SQOR: variants seen among roughly 807,000 people sequenced by gnomAD.
SQOR encodes the protein sulfide:quinone oxidoreductase, mitochondrial.
Under a neutral mutation model 48.6 loss-of-function variants are expected in SQOR, and 39 were observed. That is an observed-to-expected ratio of 0.80 (90% CI 0.62 to 1.05). SQOR has a LOEUF of 1.05. SQOR is among the 50% of genes least tolerant of loss of function. The probability of loss-of-function intolerance (pLI) is 0.00; values close to 1 mark genes in which losing one functional copy is unlikely to be tolerated. For synonymous variants in SQOR, 220 were observed against 206.2 expected, an observed-to-expected ratio of 1.07 and a Z score of -0.57; for missense variants, 561 against 559.9, an observed-to-expected ratio of 1.00 and a Z score of -0.02.
intron 1 of SQOR, chr15:45,645,929 A>C (rs1895196971): frequency 6.6e-6 from 1 of 152,218 alleles, no homozygotes; most frequent in South Asian, 2.1e-4. Context: ...GTAACTAGCA[A>C]GCATTGCTAT....
At chr15:45,657,705 C>CTTTCTCTAATCCCCT (rs1448065500) in intron 1 of SQOR, among the ~76,000 whole-genome samples, 1 of 152,222 alleles carries the variant, frequency 6.6e-6, no homozygotes, top group Non-Finnish European at 1.5e-5. Flanking sequence ...GCCCTGCCAG[C>CTTTCTCTAATCCCCT]TTTCTCTAAT....
chr15:45,640,923 C>A lies in SQOR; in HGVS notation c.-18+5815C>A, dbSNP rs1895094810. ...ACCTGAAAATTACCTGACCAGAGGC[C>A]AACTATGAGTGGTGGGGTTGAAGGG... On this transcript the variant is annotated intron_variant, in intron 1 of 9. Coordinates refer to ENST00000260324, the MANE Select transcript of SQOR (RefSeq NM_021199.4). 2.0e-5 allele frequency among the ~76,000 whole-genome samples: 3 copies of A among 152,088 alleles called. No individual in the cohort carries two copies. The South Asian group carries it at 6.2e-4, about 32-fold the overall frequency.
upstream of SQOR, among the ~76,000 whole-genome samples, chr15:45,632,741 T>C (rs2140933030): frequency 6.6e-6 from 1 of 152,194 alleles, no homozygotes; most frequent in African/African-American, 2.4e-5. Flanking sequence ...GGAGAGAGTC[T>C]ATTGGCATTT....
chr15:45,656,478 G>T (rs956550706), intron 1 of SQOR, among the ~76,000 whole-genome samples: 5 of 150,582 alleles, frequency 3.3e-5, no homozygotes, highest in Admixed American at 6.6e-5. Flanking sequence ...TTTAAATAGA[G>T]TTGGGGTTTC....
At chr15:45,638,225 TG>T (rs561350155) in intron 1 of SQOR, among the ~76,000 whole-genome samples, 2 of 152,334 alleles carry the variant, frequency 1.3e-5, no homozygotes, top group South Asian at 4.1e-4. Context: ...GGGCAAATAC[TG>T]GTGTTATGGA....
intron 7 of SQOR, 75 bp downstream of exon 7, chr15:45,682,736 G>A: frequency 6.5e-7 from 1 of 1,536,558 alleles, no homozygotes; most frequent in Middle Eastern, 2.2e-4. Context: ...AAAAACACAA[G>A]CTTGGCATCG....
chr15:45,664,934 A>G (rs1018650001), intron 3 of SQOR, among the ~76,000 whole-genome samples: 3 of 152,122 alleles, frequency 2.0e-5, no homozygotes, highest in African/African-American at 7.2e-5. Context: ...AATTACACTC[A>G]AGATTGTTCT....
At chr15:45,682,981 C>T (rs925392031) in intron 7 of SQOR, among the ~76,000 whole-genome samples, 2 of 149,384 alleles carry the variant, frequency 1.3e-5, no homozygotes, top group African/African-American at 5.0e-5. Context: ...GAGCCAAGAT[C>T]GCACCACTCC....
chr15:45,666,113 C>T (rs1490241003), intron 3 of SQOR, among the ~76,000 whole-genome samples: 5 of 152,328 alleles, frequency 3.3e-5, no homozygotes, highest in African/African-American at 4.8e-5. Flanking sequence ...CCTATTTCCT[C>T]AAATGCCTCA....
chr15:45,672,584 C>G (rs1023045169), intron 4 of SQOR, among the ~76,000 whole-genome samples: 9 of 152,114 alleles, frequency 5.9e-5, no homozygotes, highest in Admixed American at 5.2e-4. Flanking sequence ...TGGGGAGGCT[C>G]TGAAGGACCA....
At chr15:45,669,167 AT>A (rs1001025572) in intron 3 of SQOR, among the ~76,000 whole-genome samples, 28 of 142,118 alleles carry the variant, frequency 2.0e-4, no homozygotes, top group African/African-American at 3.3e-4. Flanking sequence ...TATATTTTTT[AT>A]TTTTTTTTAA....
chr15:45,658,855 T>C lies in SQOR; in HGVS notation c.-17-52T>C, dbSNP rs1374135834. On this transcript the variant is annotated intron_variant, in intron 1 of 9. Transcript: ENST00000260324. ...TCCTCCTGGAAAGAAAACGCTTCAG[T>C]CCCACGATGGTTTCTACCTTGGCAC... 5.9e-6 allele frequency: 8 copies of C among 1,354,924 alleles called. No individual in the cohort carries two copies. In the Admixed American group the frequency reaches 2.1e-4, roughly 36 times the overall value. 83.9% of individuals were successfully genotyped at this position (1,354,924 alleles called of 1,614,324 possible). A position where few individuals can be genotyped will look rare whatever the true frequency, so the allele number is the denominator to read the frequency against.
At position 45,651,883 on chromosome 15, in the gene SQOR, T is replaced by A. The variant is rs146462118; in HGVS notation, c.-17-7024T>A. On this transcript the variant is annotated intron_variant, in intron 1 of 9. Coordinates refer to ENST00000260324, the MANE Select transcript of SQOR (RefSeq NM_021199.4). Reference sequence around the variant, plus strand: ...TTCTCCTTCTCCTCCTTCTCCTTCTTCTTCTTCTTCTTTCTTTTTTTTAAA... The same window carrying A: ...TTCTCCTTCTCCTCCTTCTCCTTCTACTTCTTCTTCTTTCTTTTTTTTAAA... Among the ~76,000 whole-genome samples the A allele has an allele frequency of 6.7e-3, 1,022 of 152,196 alleles. 3 individuals are homozygous for A. The highest frequency in any genetic ancestry group is 0.024 in the African/African-American group (983 of 41,546).
At chr15:45,656,456 ATTTTTT>A (rs34189540) in intron 1 of SQOR, among the ~76,000 whole-genome samples, 1 of 146,720 alleles carries the variant, frequency 6.8e-6, no homozygotes, top group Admixed American at 6.8e-5. Flanking sequence ...TGCCTGGCTA[ATTTTTT>A]TTTTTTTTAA....
chr15:45,666,093 A>G (rs918346194), intron 3 of SQOR, among the ~76,000 whole-genome samples: 2 of 152,174 alleles, frequency 1.3e-5, no homozygotes, highest in Non-Finnish European at 2.9e-5. Context: ...TGCTCCTGCC[A>G]TACTGGCCTC....
intron 3 of SQOR, 41 bp from the exon 4 acceptor site, chr15:45,669,887 T>G: frequency 6.3e-7 from 1 of 1,584,058 alleles, no homozygotes; most frequent in Non-Finnish European, 8.7e-7. Context: ...AGTTGATGCT[T>G]CTTGAGTCCT....
At position 45,638,353 on chromosome 15, in the gene SQOR, A is replaced by T. The variant is rs560258372; in HGVS notation, c.-18+3245A>T. Among the ~76,000 whole-genome samples, 55 of 152,276 alleles carry T rather than the reference A, an allele frequency of 3.6e-4. No homozygotes were observed. In the East Asian group the frequency reaches 8.1e-3, roughly 22 times the overall value. Reference sequence around the variant, plus strand: ...GCACCTGTAGCCCCAGCTACTTGGGAGGCTGAGGTGGGAGAACTGCTTGAG... The same window carrying T: ...GCACCTGTAGCCCCAGCTACTTGGGTGGCTGAGGTGGGAGAACTGCTTGAG... On this transcript the variant is annotated intron_variant, in intron 1 of 9. Transcript: ENST00000260324.
At chr15:45,679,970 G>A (rs1180047064) in intron 6 of SQOR, among the ~76,000 whole-genome samples, 2 of 152,078 alleles carry the variant, frequency 1.3e-5, no homozygotes, top group Non-Finnish European at 2.9e-5. Context: ...CACACTGATT[G>A]GACTATGTAT....
chr15:45,669,224 C>T (rs1428347043), intron 3 of SQOR, among the ~76,000 whole-genome samples: 1 of 150,520 alleles, frequency 6.6e-6, no homozygotes, highest in African/African-American at 2.4e-5. Flanking sequence ...GGCTGGAGTG[C>T]AGTGGTGTGA....
Sources: allele counts gnomAD v4.1 joint callset (sites outside exome capture counted in the v4.1 genomes callset), GRCh38; gene constraint gnomAD v4.1.1; transcripts MANE v1.5; gene names NCBI Gene and HGNC (gene_info 2026-07-23, HGNC 2026-07-21).